EHMT1: variants seen among roughly 807,000 people sequenced by gnomAD.
EHMT1 encodes the protein euchromatic histone lysine methyltransferase 1.
Under a neutral mutation model 147.2 loss-of-function variants are expected in EHMT1, and 15 were observed. The observed-to-expected ratio is 0.10, with a 90% CI of 0.07 to 0.16. EHMT1 has a LOEUF of 0.16. Ranked by LOEUF, EHMT1 falls within the 10% of genes least tolerant of loss-of-function variation. The pLI, the probability that EHMT1 is intolerant of heterozygous loss-of-function variation, is 1.00. For synonymous variants in EHMT1, 795 were observed against 709.6 expected, an observed-to-expected ratio of 1.12 and a Z score of -1.91; for missense variants, 1,587 against 1,772.4, an observed-to-expected ratio of 0.90 and a Z score of 1.88.
At chr9:137,809,454 AGCAGAGCCTGCGGG>A (rs1422010308) in intron 18 of EHMT1, among the ~76,000 whole-genome samples, 2 of 152,196 alleles carry the variant, frequency 1.3e-5, no homozygotes, top group Non-Finnish European at 2.9e-5. Context: ...CTCAAATGGA[AGCAGAGCCTGCGGG>A]GTGGAGACCG....
chr9:137,721,586 G>A (rs1407159636), intron 3 of EHMT1, among the ~76,000 whole-genome samples: 5 of 120,792 alleles, frequency 4.1e-5, no homozygotes, highest in East Asian at 2.4e-4. Flanking sequence ...CCTCTCCCAC[G>A]CCTCTCACCG....
At chr9:137,718,219 CAG>C (rs1278467515) in intron 3 of EHMT1, among the ~76,000 whole-genome samples, 2 of 152,380 alleles carry the variant, frequency 1.3e-5, no homozygotes, top group Admixed American at 6.5e-5. Context: ...TTTTCACACA[CAG>C]GGCACGCGTG....
In EHMT1 at chr9:137,743,520, G is replaced by T; in HGVS notation, c.973G>T (p.Gly325Cys). ...MFKSITHSTV[G>C]SKGEKDLGAS... is the part of the protein sequence containing the mutation. The stretch of plus-strand genomic sequence containing the variant: ...TAAGAGCATAACTCATTCCACTGTG[G>T]GTTCCAAGGTAAGAGACGCATTTGA... The change falls in exon 5 of 27, where the codon GGT becomes TGT. Residue 325 changes from glycine to cysteine, a missense_variant. This residue lies in a region of EHMT1 where 810 missense variants were observed against 673.0 expected (regional missense o/e 1.20). Coordinates refer to ENST00000460843, the MANE Select transcript of EHMT1 (RefSeq NM_024757.5). 2 of 1,614,112 alleles carry T rather than the reference G, an allele frequency of 1.2e-6. No individual in the cohort carries two copies. The highest frequency in any genetic ancestry group is 1.7e-6 in the Non-Finnish European group (2 of 1,180,018).
intron 1 of EHMT1, among the ~76,000 whole-genome samples, chr9:137,700,158 T>C (rs1399884878): frequency 6.6e-6 from 1 of 152,228 alleles, no homozygotes; most frequent in Non-Finnish European, 1.5e-5. Context: ...AATACATTTA[T>C]TTTATGGACT....
intron 1 of EHMT1, chr9:137,676,153 CAA>C (rs1941283918): frequency 6.6e-6 from 1 of 151,596 alleles, no homozygotes; most frequent in African/African-American, 2.4e-5. Flanking sequence ...CTCCTGACTT[CAA>C]ATGATCCACC....
chr9:137,682,875 C>CTT (rs1942090740), intron 1 of EHMT1, among the ~76,000 whole-genome samples: 2 of 152,194 alleles, frequency 1.3e-5, no homozygotes. Context: ...GTCACTCCAG[C>CTT]CCAGCTGCGA....
At chr9:137,635,568 C>T (rs571207554) in intron 1 of EHMT1, among the ~76,000 whole-genome samples, 2 of 151,024 alleles carry the variant, frequency 1.3e-5, no homozygotes, top group East Asian at 2.1e-4. Flanking sequence ...CGCCTGTAAT[C>T]CCAGCACTTT....
chr9:137,670,594 T>A (rs985256699), intron 1 of EHMT1, among the ~76,000 whole-genome samples: 1 of 152,164 alleles, frequency 6.6e-6, no homozygotes, highest in African/African-American at 2.4e-5. Flanking sequence ...TTCCTCAGTC[T>A]CCCATCTGCG....
chr9:137,621,615 GA>G lies in EHMT1; in HGVS notation c.21+2576del, dbSNP rs143474828. Among the ~76,000 whole-genome samples the G allele has an allele frequency of 3.4e-5, 5 of 145,920 alleles. 1 individual carries two copies. Among genetic ancestry groups the G allele is most frequent in the South Asian group, 2.2e-4 (1 of 4,592 alleles). On this transcript the variant is annotated intron_variant, in intron 1 of 26. Transcript: ENST00000460843. ...GCAACGGAGTGAGAGACTGTCTCAG[GA>G]AAAAAAAAAGAAAAAAAACTACTGA...
chr9:137,636,008 G>A (rs919798494), intron 1 of EHMT1, among the ~76,000 whole-genome samples: 13 of 150,570 alleles, frequency 8.6e-5, no homozygotes, highest in Non-Finnish European at 1.6e-4. Context: ...TGCAACCTCC[G>A]CCTCCTGGGT....
chr9:137,835,630 T>A lies in EHMT1; in HGVS notation c.*677T>A, dbSNP rs1956535336. The A allele has an allele frequency of 6.5e-6, 1 of 152,712 alleles. No homozygotes were observed. Among genetic ancestry groups the A allele is most frequent in the Non-Finnish European group, 1.5e-5 (1 of 68,048 alleles). 9.5% of individuals were successfully genotyped at this position (152,712 alleles called of 1,614,324 possible). A position where few individuals can be genotyped will look rare whatever the true frequency, so the allele number is the denominator to read the frequency against. ...CAGCCCCCGCCGGTTCCGTTGACGC[T>A]GGCACCTTCTGTTGATTTTTTAAGC... On this transcript the variant is annotated 3_prime_UTR_variant, in exon 27 of 27. Coordinates refer to ENST00000460843, the MANE Select transcript of EHMT1 (RefSeq NM_024757.5).
At chr9:137,692,106 C>T (rs1295849426) in intron 1 of EHMT1, among the ~76,000 whole-genome samples, 1 of 152,108 alleles carries the variant, frequency 6.6e-6, no homozygotes, top group Non-Finnish European at 1.5e-5. Flanking sequence ...GAGAATCATA[C>T]ACAACACCAG....
intron 9 of EHMT1, among the ~76,000 whole-genome samples, chr9:137,761,989 C>T (rs530013435): frequency 5.9e-5 from 9 of 152,346 alleles, no homozygotes; most frequent in East Asian, 1.9e-4. Context: ...CTCTCCCATC[C>T]GGGGCTGGGG....
chr9:137,734,730 T>A (rs1947389347), intron 4 of EHMT1, among the ~76,000 whole-genome samples: 1 of 152,202 alleles, frequency 6.6e-6, no homozygotes, highest in Non-Finnish European at 1.5e-5. Flanking sequence ...CACATACACG[T>A]TTCCTCAGTG....
chr9:137,758,240 C>T (rs1949530262), intron 9 of EHMT1, among the ~76,000 whole-genome samples: 1 of 152,228 alleles, frequency 6.6e-6, no homozygotes, highest in African/African-American at 2.4e-5. Context: ...TGGCGAAGCC[C>T]AAGCATGGCC....
At chr9:137,777,200 T>C (rs1398735609) in intron 12 of EHMT1, 1 of 298,444 alleles carries the variant, frequency 3.4e-6, no homozygotes, top group Non-Finnish European at 6.4e-6. Context: ...GGTATTAAGG[T>C]TTGAAGGCCT....
At chr9:137,751,926 T>C (rs1949001589) in intron 6 of EHMT1, among the ~76,000 whole-genome samples, 1 of 152,120 alleles carries the variant, frequency 6.6e-6, no homozygotes, top group South Asian at 2.1e-4. Context: ...CCTCTGAAAA[T>C]CTTTTTATGA....
chr9:137,760,822 A>T (rs1302239880), intron 9 of EHMT1, among the ~76,000 whole-genome samples: 1 of 152,172 alleles, frequency 6.6e-6, no homozygotes, highest in Non-Finnish European at 1.5e-5. Context: ...ATCCTGGCTA[A>T]CACAGTGAAA....
chr9:137,834,539 G>A lies in EHMT1; in HGVS notation c.3716+15G>A, dbSNP rs373283387. 16 of 1,608,810 alleles carry A rather than the reference G, an allele frequency of 9.9e-6. No homozygotes were observed. The African/African-American group carries it at 1.9e-4, about 19-fold the overall frequency. On this transcript the variant is annotated intron_variant, in intron 26 of 26. Transcript: ENST00000460843. ...GAGCAGCTCGGGTACGCACCGCCCC[G>A]GCCCCTGGCCATCTCCGCTGCCGGC...
Sources: allele counts gnomAD v4.1 joint callset (sites outside exome capture counted in the v4.1 genomes callset), GRCh38; gene constraint gnomAD v4.1.1; regional missense constraint gnomAD v4.1.1; transcripts MANE v1.5; gene names NCBI Gene and HGNC (gene_info 2026-07-23, HGNC 2026-07-21).